Variants in WDR76 observed in about 807,000 individuals in gnomAD.
WDR76 encodes the protein WD repeat-containing protein 76.
In WDR76, 52 loss-of-function variants were observed where a neutral mutation model predicts 70.2. The observed-to-expected ratio is 0.74, with a 90% CI of 0.59 to 0.93. The LOEUF is 0.93. Ranked by LOEUF, WDR76 falls within the 40% of genes least tolerant of loss-of-function variation. The probability of loss-of-function intolerance (pLI) is 0.00; values close to 1 mark genes in which losing one functional copy is unlikely to be tolerated. For missense variants in WDR76, 756 were observed against 760.2 expected (o/e 0.99, Z 0.07); for synonymous variants, 292 against 271.1 (o/e 1.08, Z -0.76).
intron 5 of WDR76, among the ~76,000 whole-genome samples, chr15:43,841,330 G>A (rs568881802): frequency 6.6e-6 from 1 of 151,038 alleles, no homozygotes; most frequent in South Asian, 2.1e-4. Context: ...AGCCTCCGCT[G>A]GGACTATAGG....
intron 11 of WDR76, among the ~76,000 whole-genome samples, 177 bp downstream of exon 11, chr15:43,859,000 T>A (rs1442118517): frequency 1.3e-5 from 2 of 152,196 alleles, no homozygotes; most frequent in Non-Finnish European, 2.9e-5. Flanking sequence ...TTTCAGCGGT[T>A]TTTGGGTCCT....
intron 12 of WDR76, among the ~76,000 whole-genome samples, chr15:43,862,604 G>A (rs1300229930): frequency 6.6e-6 from 1 of 151,338 alleles, no homozygotes; most frequent in African/African-American, 2.4e-5. Flanking sequence ...CACCTCCCTG[G>A]TTCATGCCAT....
At position 43,858,798 on chromosome 15, in the gene WDR76, A is replaced by G; in HGVS notation, c.1537A>G (p.Thr513Ala). 6.2e-7 allele frequency: 1 copy of G among 1,614,112 alleles called. No homozygotes were observed. Among genetic ancestry groups the G allele is most frequent in the Non-Finnish European group, 8.5e-7 (1 of 1,180,002 alleles). ...ACCTCTTACTGGTAACAGAGTGGTG[A>G]CCACATGTGCTGATTGTAATCTGAG... ...FSPLTGNRVV[T>A]TCADCNLRIF... Residue 513 changes from threonine (T) to alanine (A), a missense_variant, in exon 11 of 13, where the codon ACC becomes GCC. Physicochemically the swap from Thr to Ala is moderately conservative, Grantham distance 58 (BLOSUM62 0). Coordinates refer to ENST00000263795, the MANE Select transcript of WDR76 (RefSeq NM_024908.4).
chr15:43,851,578 C>CT (rs994465874), intron 9 of WDR76, among the ~76,000 whole-genome samples: 20 of 149,750 alleles, frequency 1.3e-4, no homozygotes, highest in East Asian at 3.9e-4. Flanking sequence ...TGTTAAATTT[C>CT]TTTTTTTTTT....
chr15:43,835,058 T>A lies in WDR76; in HGVS notation c.463-3T>A. On this transcript the variant is annotated splice_region_variant and splice_polypyrimidine_tract_variant and intron_variant, in intron 2 of 12. Transcript: ENST00000263795. Reference sequence around the variant, plus strand: ...ATGGAATCTTTTTGGTGTAATTTTATAGGATTTTTCGGGATTGTCACCCTA... The same window carrying A: ...ATGGAATCTTTTTGGTGTAATTTTAAAGGATTTTTCGGGATTGTCACCCTA... 1 of 1,613,438 alleles carries A rather than the reference T, an allele frequency of 6.2e-7. No individual in the cohort carries two copies. Among genetic ancestry groups the A allele is most frequent in the Non-Finnish European group, 8.5e-7 (1 of 1,179,484 alleles).
At chr15:43,857,271 T>TTTGTAATA in intron 10 of WDR76, 108 bp downstream of exon 10, 1 of 1,175,596 alleles carries the variant, frequency 8.5e-7, no homozygotes, top group Non-Finnish European at 1.2e-6. Context: ...AGGTATTACT[T>TTTGTAATA]TTGTAATACC....
At chr15:43,844,926 T>TG (rs1415100684) in intron 8 of WDR76, among the ~76,000 whole-genome samples, 1 of 15,528 alleles carries the variant, frequency 6.4e-5, no homozygotes, top group Non-Finnish European at 1.1e-4. Flanking sequence ...AGACTCTGTG[T>TG]AAAAAAAAAA....
At chr15:43,834,220 CT>C (rs1318768261) in intron 2 of WDR76, among the ~76,000 whole-genome samples, 1 of 150,868 alleles carries the variant, frequency 6.6e-6, no homozygotes, top group Non-Finnish European at 1.5e-5. Context: ...ACATTAGTGG[CT>C]TTTTAGGAGA....
At chr15:43,836,537 TCTGG>T (rs1001813667) in intron 4 of WDR76, among the ~76,000 whole-genome samples, 1 of 152,224 alleles carries the variant, frequency 6.6e-6, no homozygotes, top group Non-Finnish European at 1.5e-5. Flanking sequence ...TTTTAATTTT[TCTGG>T]CTATCTTTTT....
At position 43,827,074 on chromosome 15, in the gene WDR76, A is replaced by C; in HGVS notation, c.42A>C (p.Arg14Ser). The C allele has an allele frequency of 6.2e-7, 1 of 1,614,014 alleles. No homozygotes were observed. The change falls in exon 1 of 13, where the codon AGA (arginine) becomes AGC (serine). Residue 14 changes from arginine to serine, a missense_variant. Arg to Ser is a moderately radical substitution (Grantham distance 110). Transcript: ENST00000263795. Reference sequence around the variant, plus strand: ...CGGCGGCTGAGAAGGCGGACTCCAGACAGCGACCCCAGATGAAGGTGAGAA... The same window carrying C: ...CGGCGGCTGAGAAGGCGGACTCCAGCCAGCGACCCCAGATGAAGGTGAGAA... Reference protein sequence around the residue: ...SGAAAEKADSRQRPQMKVNEY... With the variant: ...SGAAAEKADSSQRPQMKVNEY...
At chr15:43,852,502 G>T (rs1288774692) in intron 9 of WDR76, among the ~76,000 whole-genome samples, 1 of 152,126 alleles carries the variant, frequency 6.6e-6, no homozygotes, top group Admixed American at 6.6e-5. Flanking sequence ...CTCCTGAGTA[G>T]CTGGGACTAC....
intron 9 of WDR76, among the ~76,000 whole-genome samples, chr15:43,854,785 C>A (rs755395700): frequency 6.6e-6 from 1 of 151,652 alleles, no homozygotes; most frequent in Non-Finnish European, 1.5e-5. Context: ...CCCATCTCTA[C>A]TAAAAACACA....
chr15:43,828,367 G>T lies in WDR76; in HGVS notation c.462+1G>T, dbSNP rs780298201. 1.9e-6 allele frequency: 3 copies of T among 1,587,512 alleles called. No individual in the cohort carries two copies. The highest frequency in any genetic ancestry group is 1.2e-5 in the South Asian group (1 of 86,524). ...TGATGAAGATACCACACCATCCCTG[G>T]TAAGAACTTAATTAGTAGCTTGTTC... On this transcript the variant is annotated splice_donor_variant, in intron 2 of 12. Coordinates refer to ENST00000263795, the MANE Select transcript of WDR76 (RefSeq NM_024908.4). LOFTEE classifies it high-confidence loss of function.
Position 43,842,558 on chromosome 15 carries a change from A to G in WDR76, c.834+42A>G, listed in dbSNP as rs371412831. 54 of 1,596,884 alleles carry G rather than the reference A, an allele frequency of 3.4e-5. No individual in the cohort carries two copies. The African/African-American group carries it at 5.7e-4, about 17-fold the overall frequency. On this transcript the variant is annotated intron_variant, in intron 6 of 12. Coordinates refer to ENST00000263795, the MANE Select transcript of WDR76 (RefSeq NM_024908.4). ...CCAATAGCCTTTAGAATCATCTGTTAAGGAAATATATATATATGTAAAAAT... is the reference window on the plus strand; with the variant it reads ...CCAATAGCCTTTAGAATCATCTGTTGAGGAAATATATATATATGTAAAAAT...
At chr15:43,835,546 TA>T (rs938713366) in intron 3 of WDR76, among the ~76,000 whole-genome samples, 2 of 151,942 alleles carry the variant, frequency 1.3e-5, no homozygotes, top group Non-Finnish European at 2.9e-5. Flanking sequence ...ACCAGGTCAA[TA>T]ACATATCAGG....
chr15:43,857,844 A>AAG (rs2087947934), intron 10 of WDR76, among the ~76,000 whole-genome samples: 1 of 149,800 alleles, frequency 6.7e-6, no homozygotes, highest in Non-Finnish European at 1.5e-5. Flanking sequence ...AAAAAAAAAA[A>AAG]GTCTTTCTGT....
chr15:43,831,026 C>A (rs367848836), intron 2 of WDR76, among the ~76,000 whole-genome samples: 1 of 150,362 alleles, frequency 6.7e-6, no homozygotes. Flanking sequence ...CCAGCCTGGG[C>A]GACAGAGCGA....
At position 43,860,936 on chromosome 15, in the gene WDR76, T is replaced by TTG. The variant is rs1369835700; in HGVS notation, c.1563-397_1563-396insTG. Reference sequence around the variant, plus strand: ...TTTTTTTTTTTTTTTTTTTTTTTTTTGTAGACAAGGTTCTCGCTCTGTTGC... The same window carrying TTG: ...TTTTTTTTTTTTTTTTTTTTTTTTTTTGGTAGACAAGGTTCTCGCTCTGTTGC... On this transcript the variant is annotated intron_variant, in intron 11 of 12. Transcript: ENST00000263795. Among the ~76,000 whole-genome samples, 5 of 132,224 alleles carry TTG rather than the reference T, an allele frequency of 3.8e-5. 1 individual carries two copies. The highest frequency in any genetic ancestry group is 1.2e-4 in the African/African-American group (4 of 32,208). The allele number at this position is 132,224 out of a possible 152,430, so 86.7% of individuals were successfully genotyped here.
Position 43,842,673 on chromosome 15 carries a change from T to C in WDR76, c.878+2T>C, listed in dbSNP as rs1378133580. 6.2e-7 allele frequency: 1 copy of C among 1,608,036 alleles called. No homozygotes were observed. The highest frequency in any genetic ancestry group is 8.5e-7 in the Non-Finnish European group (1 of 1,177,886). ...GAAGGGATTATCTAGCATTAAAAGGTAAGTTGAAATTCCTTGTGTTTCTTT... is the reference window on the plus strand; with the variant it reads ...GAAGGGATTATCTAGCATTAAAAGGCAAGTTGAAATTCCTTGTGTTTCTTT... On this transcript the variant is annotated splice_donor_variant, in intron 7 of 12. Coordinates refer to ENST00000263795, the MANE Select transcript of WDR76 (RefSeq NM_024908.4). LOFTEE classifies it high-confidence loss of function.
Sources: allele counts gnomAD v4.1 joint callset (sites outside exome capture counted in the v4.1 genomes callset), GRCh38; gene constraint gnomAD v4.1.1; transcripts MANE v1.5; gene names NCBI Gene and HGNC (gene_info 2026-07-23, HGNC 2026-07-21).